The following SAMD12 variants were observed in gnomAD, a reference collection of about 807,000 sequenced individuals.
SAMD12 encodes the protein sterile alpha motif domain containing 12, also known as sterile alpha motif domain-containing protein 12.
A neutral mutation model predicts 15.0 loss-of-function variants in SAMD12; 9 were observed. The ratio of observed to expected loss-of-function variants is 0.60; its 90% CI spans 0.36 to 1.05. The LOEUF (loss-of-function observed/expected upper bound fraction) is 1.05, where lower values mean the gene tolerates loss of function less well. Among genes scored for constraint, SAMD12 ranks in the 50% least tolerant of loss-of-function variants. SAMD12 has a pLI of 0.01. For missense variants in SAMD12, 230 were observed against 234.2 expected (o/e 0.98, Z 0.12); for synonymous variants, 86 against 90.1 (o/e 0.96, Z 0.25).
intron 4 of SAMD12, among the ~76,000 whole-genome samples, chr8:118,276,041 T>C (rs928553357): frequency 2.6e-5 from 4 of 152,216 alleles, no homozygotes; most frequent in Non-Finnish European, 5.9e-5. Context: ...GTATACAAAA[T>C]AGATTCTTCA....
intron 4 of SAMD12, among the ~76,000 whole-genome samples, chr8:118,243,874 T>C (rs1812626029): frequency 6.6e-6 from 1 of 152,248 alleles, no homozygotes; most frequent in Non-Finnish European, 1.5e-5. Context: ...GAAATCTGCA[T>C]GAAGAGAGAG....
At chr8:118,604,495 C>T (rs1827939524) in intron 1 of SAMD12, among the ~76,000 whole-genome samples, 1 of 152,048 alleles carries the variant, frequency 6.6e-6, no homozygotes, top group African/African-American at 2.4e-5. Flanking sequence ...TGAACAGCCT[C>T]CACAGTACAC....
chr8:118,277,288 T>A (rs1192782747), intron 4 of SAMD12, among the ~76,000 whole-genome samples: 2 of 152,262 alleles, frequency 1.3e-5, no homozygotes, highest in South Asian at 2.1e-4. Context: ...CTAGTGCCAG[T>A]GTTTGTTATC....
chr8:118,198,884 G>A (rs545825480), intron 4 of SAMD12, among the ~76,000 whole-genome samples: 87 of 151,186 alleles, frequency 5.8e-4, no homozygotes, highest in Non-Finnish European at 1.1e-3. Flanking sequence ...TATATCCTAA[G>A]GAAATAATCT....
intron 2 of SAMD12, among the ~76,000 whole-genome samples, chr8:118,525,376 A>G (rs1230934424): frequency 6.6e-6 from 1 of 152,116 alleles, no homozygotes; most frequent in Non-Finnish European, 1.5e-5. Flanking sequence ...TTCCACGGCA[A>G]TTATCACCAT....
intron 2 of SAMD12, among the ~76,000 whole-genome samples, chr8:118,528,242 G>T (rs965367730): frequency 1.3e-5 from 2 of 152,152 alleles, no homozygotes; most frequent in African/African-American, 4.8e-5. Flanking sequence ...ACGTTGGCCA[G>T]GCTGGTCTCT....
intron 2 of SAMD12, among the ~76,000 whole-genome samples, chr8:118,550,663 A>G (rs1826299508): frequency 6.6e-6 from 1 of 152,090 alleles, no homozygotes; most frequent in Non-Finnish European, 1.5e-5. Flanking sequence ...GACAGGTTCA[A>G]ATTCACACAT....
At chr8:118,353,182 T>C (rs1396025725) in intron 4 of SAMD12, among the ~76,000 whole-genome samples, 1 of 150,834 alleles carries the variant, frequency 6.6e-6, no homozygotes, top group African/African-American at 2.5e-5. Flanking sequence ...TAATATCTAG[T>C]GAGCATGTTC....
At chr8:118,448,397 C>G (rs1481365166) in intron 2 of SAMD12, among the ~76,000 whole-genome samples, 1 of 152,198 alleles carries the variant, frequency 6.6e-6, no homozygotes, top group Non-Finnish European at 1.5e-5. Flanking sequence ...GGCTTGCAAC[C>G]TGCACAATGA....
chr8:118,516,878 A>T (rs188269889), intron 2 of SAMD12, among the ~76,000 whole-genome samples: 39 of 152,200 alleles, frequency 2.6e-4, no homozygotes, highest in Admixed American at 1.7e-3. Context: ...AGCTTAGGCA[A>T]TCCACCCGCC....
intron 2 of SAMD12, among the ~76,000 whole-genome samples, chr8:118,573,609 G>A (rs1221458220): frequency 6.6e-6 from 1 of 152,208 alleles, no homozygotes; most frequent in Non-Finnish European, 1.5e-5. Flanking sequence ...TTTGAAGAGT[G>A]AAGGGTAATG....
chr8:118,233,091 A>G (rs1284774414), intron 4 of SAMD12, among the ~76,000 whole-genome samples: 1 of 152,124 alleles, frequency 6.6e-6, no homozygotes, highest in Non-Finnish European at 1.5e-5. Context: ...TCCAGAGAAT[A>G]ATATTTTTCT....
intron 3 of SAMD12, chr8:118,394,669 G>C (rs1820459368): frequency 6.6e-6 from 1 of 152,186 alleles, no homozygotes; most frequent in Admixed American, 6.5e-5. Flanking sequence ...TTTGCCAAAA[G>C]ACTTACAGGC....
At chr8:118,440,883 A>G (rs1484635623) in intron 2 of SAMD12, among the ~76,000 whole-genome samples, 2 of 152,116 alleles carry the variant, frequency 1.3e-5, no homozygotes, top group African/African-American at 4.8e-5. Flanking sequence ...ATGCTTCACT[A>G]TCTAGAATTT....
chr8:118,246,711 A>C (rs147895938), intron 4 of SAMD12, among the ~76,000 whole-genome samples: 4 of 152,232 alleles, frequency 2.6e-5, no homozygotes, highest in African/African-American at 9.6e-5. Context: ...GAGTGATATG[A>C]GATTTTAGAG....
At chr8:118,476,908 C>T (rs1353261435) in intron 2 of SAMD12, among the ~76,000 whole-genome samples, 1 of 152,106 alleles carries the variant, frequency 6.6e-6, no homozygotes, top group Non-Finnish European at 1.5e-5. Context: ...TCCCAATTGT[C>T]AGCAATGGTA....
At chr8:118,384,358 T>C (rs949705166) in intron 3 of SAMD12, among the ~76,000 whole-genome samples, 11 of 152,124 alleles carry the variant, frequency 7.2e-5, no homozygotes, top group Non-Finnish European at 1.0e-4. Flanking sequence ...CTGGTCACTA[T>C]GTGGAGAATG....
chr8:118,414,849 GCA>G (rs1297069395), intron 3 of SAMD12, among the ~76,000 whole-genome samples: 1 of 150,210 alleles, frequency 6.7e-6, no homozygotes. Context: ...CCCTCCCTTT[GCA>G]CAGAGTGGGA....
intron 1 of SAMD12, among the ~76,000 whole-genome samples, chr8:118,584,111 C>T (rs895813859): frequency 6.6e-6 from 1 of 152,170 alleles, no homozygotes; most frequent in Non-Finnish European, 1.5e-5. Context: ...AGGCAGAATA[C>T]AGTTTTTTGA....
Sources: allele counts gnomAD v4.1 joint callset (sites outside exome capture counted in the v4.1 genomes callset), GRCh38; gene constraint gnomAD v4.1.1; transcripts MANE v1.5; gene names NCBI Gene and HGNC (gene_info 2026-07-23, HGNC 2026-07-21).